The following MDGA2 variants were observed in gnomAD, a reference collection of about 807,000 sequenced individuals.
The protein encoded by MDGA2 is MAM domain containing glycosylphosphatidylinositol anchor 2, also known as MAM domain-containing glycosylphosphatidylinositol anchor protein 2.
MDGA2 carries 40 observed loss-of-function variants against 117.8 expected under a neutral mutation model. The ratio of observed to expected loss-of-function variants is 0.34; its 90% CI spans 0.26 to 0.44. The LOEUF (loss-of-function observed/expected upper bound fraction) is 0.44, where lower values mean the gene tolerates loss of function less well. MDGA2 is among the 20% of genes least tolerant of loss of function. MDGA2 has a pLI of 1.00. For missense variants in MDGA2, 1,123 were observed against 1,250.6 expected, an observed-to-expected ratio of 0.90 and a Z score of 1.54; for synonymous variants, 452 against 439.0, an observed-to-expected ratio of 1.03 and a Z score of -0.37.
chr14:47,253,430 C>CAA (rs1203229019), intron 2 of MDGA2, among the ~76,000 whole-genome samples: 3 of 152,182 alleles, frequency 2.0e-5, no homozygotes, highest in Non-Finnish European at 4.4e-5. Flanking sequence ...TTGGCCAAGA[C>CAA]AAACGGGCTA....
At chr14:47,103,797 G>T (rs1389537578) in intron 5 of MDGA2, among the ~76,000 whole-genome samples, 1 of 152,170 alleles carries the variant, frequency 6.6e-6, no homozygotes, top group Non-Finnish European at 1.5e-5. Context: ...TGTTGTTGTT[G>T]TTATCAACAG....
At chr14:46,981,962 A>G (rs1886688177) in intron 8 of MDGA2, among the ~76,000 whole-genome samples, 1 of 152,230 alleles carries the variant, frequency 6.6e-6, no homozygotes, top group Non-Finnish European at 1.5e-5. Flanking sequence ...GGATAGGAGG[A>G]TATCATCAGT....
chr14:47,429,634 T>C (rs1439241910), intron 1 of MDGA2, among the ~76,000 whole-genome samples: 1 of 152,142 alleles, frequency 6.6e-6, no homozygotes, highest in East Asian at 1.9e-4. Flanking sequence ...GACTTGCTTT[T>C]TCATGCAAAT....
chr14:47,117,566 G>C (rs902772325), intron 5 of MDGA2, among the ~76,000 whole-genome samples: 1 of 152,090 alleles, frequency 6.6e-6, no homozygotes, highest in Non-Finnish European at 1.5e-5. Flanking sequence ...AATATTATTT[G>C]GCCTGAAAAA....
At chr14:47,217,630 T>G (rs1486528305) in intron 3 of MDGA2, among the ~76,000 whole-genome samples, 2 of 151,884 alleles carry the variant, frequency 1.3e-5, no homozygotes, top group Non-Finnish European at 2.9e-5. Context: ...TGTATTCACA[T>G]GTAGGTAAAA....
At chr14:47,094,845 ATT>A (rs1879871128) in intron 6 of MDGA2, among the ~76,000 whole-genome samples, 1 of 151,696 alleles carries the variant, frequency 6.6e-6, no homozygotes, top group African/African-American at 2.4e-5. Flanking sequence ...CAATTTTTCT[ATT>A]TCTCTTTTAA....
intron 10 of MDGA2, among the ~76,000 whole-genome samples, chr14:46,905,828 C>T (rs1282787654): frequency 1.3e-5 from 2 of 151,992 alleles, no homozygotes; most frequent in Non-Finnish European, 2.9e-5. Flanking sequence ...CTTTGGTGAG[C>T]AGCCATAGTT....
chr14:47,341,297 C>A (rs990703073), intron 1 of MDGA2, among the ~76,000 whole-genome samples: 2 of 152,182 alleles, frequency 1.3e-5, no homozygotes, highest in East Asian at 3.9e-4. Context: ...TAAGAAAATC[C>A]AAGGATTCTG....
At chr14:47,399,751 G>A (rs1363534154) in intron 1 of MDGA2, among the ~76,000 whole-genome samples, 1 of 132,088 alleles carries the variant, frequency 7.6e-6, no homozygotes, top group Non-Finnish European at 1.7e-5. Flanking sequence ...AACAAATCAT[G>A]TCTGTTTTTT....
intron 1 of MDGA2, among the ~76,000 whole-genome samples, chr14:47,534,748 C>A (rs1895173670): frequency 6.6e-6 from 1 of 152,088 alleles, no homozygotes; most frequent in African/African-American, 2.4e-5. Flanking sequence ...CACTCTGAAC[C>A]AAGTCTGGTA....
At chr14:47,397,229 G>A (rs1003098458) in intron 1 of MDGA2, among the ~76,000 whole-genome samples, 1 of 152,056 alleles carries the variant, frequency 6.6e-6, no homozygotes, top group Non-Finnish European at 1.5e-5. Context: ...CTATTGCAAG[G>A]ACAGAAAACC....
In MDGA2 at chr14:47,133,136, A is replaced by C. The variant is rs1354760666; in HGVS notation, c.793-1290T>G. On this transcript the variant is annotated intron_variant, in intron 4 of 16. Coordinates refer to ENST00000399232, the MANE Select transcript of MDGA2 (RefSeq NM_001113498.3). ...AAAAAAAAAAACAAACAAACAAAAA[A>C]AAACTACCTTTCAATTTTTGTTTAG... 8.6e-5 allele frequency among the ~76,000 whole-genome samples: 13 copies of C among 151,896 alleles called. No individual in the cohort carries two copies. The East Asian group carries it at 1.7e-3, about 20-fold the overall frequency.
In MDGA2 at chr14:46,856,303, C is replaced by A. The variant is rs147994754; in HGVS notation, c.2753-1149G>T. On this transcript the variant is annotated intron_variant, in intron 14 of 16. Coordinates refer to ENST00000399232, the MANE Select transcript of MDGA2 (RefSeq NM_001113498.3). ...TACATGCAATAAAATTCATTCATTT[C>A]TATGTGTTCAGGCCAATAGTTTTAG... 2.2e-4 allele frequency among the ~76,000 whole-genome samples: 33 copies of A among 149,910 alleles called. No homozygotes were observed. The East Asian group carries it at 5.8e-3, about 26-fold the overall frequency.
chr14:47,372,961 A>G (rs999197315), intron 1 of MDGA2, among the ~76,000 whole-genome samples: 2 of 152,052 alleles, frequency 1.3e-5, no homozygotes, highest in Non-Finnish European at 2.9e-5. Flanking sequence ...AATGATAAAA[A>G]AAATTTGTAT....
At chr14:47,158,353 C>A (rs1000216584) in intron 3 of MDGA2, among the ~76,000 whole-genome samples, 2 of 122,530 alleles carry the variant, frequency 1.6e-5, no homozygotes, top group African/African-American at 6.5e-5. Context: ...CAGAACATAT[C>A]CCTGGGGTGG....
chr14:46,933,367 A>C (rs1884652363), intron 9 of MDGA2, among the ~76,000 whole-genome samples: 1 of 152,038 alleles, frequency 6.6e-6, no homozygotes, highest in African/African-American at 2.4e-5. Flanking sequence ...TTGGTTCTCA[A>C]AATGACAAGT....
At chr14:46,965,385 A>G (rs1885988084) in intron 8 of MDGA2, among the ~76,000 whole-genome samples, 1 of 152,184 alleles carries the variant, frequency 6.6e-6, no homozygotes, top group Admixed American at 6.5e-5. Flanking sequence ...ATGGCCTGTA[A>G]GGAAGAATGA....
chr14:47,179,566 G>T (rs571448625), intron 3 of MDGA2, among the ~76,000 whole-genome samples: 1 of 151,690 alleles, frequency 6.6e-6, no homozygotes, highest in South Asian at 2.1e-4. Flanking sequence ...AAAGGTTTGG[G>T]GTTTTCTTTG....
intron 8 of MDGA2, among the ~76,000 whole-genome samples, chr14:46,988,484 G>A (rs1228956922): frequency 3.3e-5 from 5 of 152,076 alleles, no homozygotes; most frequent in Admixed American, 6.6e-5. Flanking sequence ...AGCTGCTGAC[G>A]TGGGGCATGG....
Sources: gnomAD v4.1 joint callset for allele counts (sites outside exome capture counted in the v4.1 genomes callset) on GRCh38, gnomAD v4.1.1 for gene constraint, MANE v1.5 for transcripts, NCBI Gene and HGNC (gene_info 2026-07-23, HGNC 2026-07-21) for gene names.